The following LRP6 variants were observed in gnomAD, a reference collection of about 807,000 sequenced individuals.
LRP6 encodes the protein low-density lipoprotein receptor-related protein 6.
LRP6 carries 43 observed loss-of-function variants against 184.1 expected under a neutral mutation model. The ratio of observed to expected loss-of-function variants is 0.23; its 90% CI spans 0.18 to 0.30. LRP6 has a LOEUF of 0.30. Among genes scored for constraint, LRP6 ranks in the 10% least tolerant of loss-of-function variants. The pLI is 1.00. For synonymous variants in LRP6, 719 were observed against 684.9 expected (o/e 1.05, Z -0.78); for missense variants, 1,571 against 2,005.3 (o/e 0.78, Z 4.14).
chr12:12,175,410 C>T (rs1010677070), intron 7 of LRP6, among the ~76,000 whole-genome samples: 1 of 145,624 alleles, frequency 6.9e-6, no homozygotes, highest in African/African-American at 2.6e-5. Context: ...ATAAAAAAGG[C>T]CGGGCACAGT....
intron 7 of LRP6, among the ~76,000 whole-genome samples, chr12:12,175,420 T>C (rs969047677): frequency 6.8e-6 from 1 of 147,576 alleles, no homozygotes; most frequent in African/African-American, 2.5e-5. Flanking sequence ...CCGGGCACAG[T>C]AGCTCATGCC....
chr12:12,231,789 C>T (rs1199891207), intron 2 of LRP6, among the ~76,000 whole-genome samples: 2 of 151,550 alleles, frequency 1.3e-5, no homozygotes, highest in African/African-American at 4.9e-5. Flanking sequence ...CTGAGATGGG[C>T]AGATCACTTG....
chr12:12,207,943 A>G (rs984931294), intron 2 of LRP6, among the ~76,000 whole-genome samples: 18 of 152,348 alleles, frequency 1.2e-4, no homozygotes, highest in Admixed American at 3.9e-4. Context: ...AAAGCCAGGC[A>G]TAAGAAATAT....
At chr12:12,244,809 A>C (rs1465297731) in intron 1 of LRP6, among the ~76,000 whole-genome samples, 154 bp from the exon 2 acceptor site, 1 of 152,232 alleles carries the variant, frequency 6.6e-6, no homozygotes, top group African/African-American at 2.4e-5. Context: ...TTCACACACA[A>C]AATATTATTT....
intron 3 of LRP6, among the ~76,000 whole-genome samples, chr12:12,199,230 G>A (rs1273321242): frequency 6.6e-6 from 1 of 152,010 alleles, no homozygotes; most frequent in African/African-American, 2.4e-5. Flanking sequence ...CATATAGCAT[G>A]AACACATATT....
rs1210116016 is a variant in LRP6, at chr12:12,148,820, G to A, written c.3206+122C>T. 3 of 794,528 alleles carry A rather than the reference G, an allele frequency of 3.8e-6. No homozygotes were observed. The African/African-American group carries it at 5.1e-5, about 13-fold the overall frequency. 49.2% of individuals were successfully genotyped at this position (794,528 alleles called of 1,614,324 possible). Reference sequence around the variant, plus strand: ...AAGATAATGCAGAAACAAACTGATAGAGAATATTGAATTGTTTGCTGGAGC... The same window carrying A: ...AAGATAATGCAGAAACAAACTGATAAAGAATATTGAATTGTTTGCTGGAGC... On this transcript the variant is annotated intron_variant, in intron 14 of 22. Coordinates refer to ENST00000261349, the MANE Select transcript of LRP6 (RefSeq NM_002336.3).
intron 2 of LRP6, among the ~76,000 whole-genome samples, chr12:12,226,057 G>A (rs762039969): frequency 3.9e-5 from 6 of 152,128 alleles, no homozygotes; most frequent in Non-Finnish European, 7.4e-5. Context: ...CACAGAAGAA[G>A]AGAAATACTT....
intron 12 of LRP6, among the ~76,000 whole-genome samples, chr12:12,156,614 G>A (rs1176547513): frequency 1.3e-5 from 2 of 152,146 alleles, no homozygotes; most frequent in Non-Finnish European, 1.5e-5. Flanking sequence ...ACTGCATTCT[G>A]CATTTCACCA....
At chr12:12,266,040 G>A (rs114830244) in intron 1 of LRP6, among the ~76,000 whole-genome samples, 1,758 of 152,220 alleles carry the variant, frequency 0.012, 29 homozygotes, top group African/African-American at 0.04. Context: ...AATACCAGAG[G>A]TTACAAGGGC....
At chr12:12,136,193 AAAC>A (rs1345604219) in intron 16 of LRP6, among the ~76,000 whole-genome samples, 2 of 152,012 alleles carry the variant, frequency 1.3e-5, no homozygotes, top group South Asian at 2.1e-4. Context: ...TCTCTACAAA[AAAC>A]AACAACAAAA....
At chr12:12,125,126 G>C (rs1591860560) in intron 21 of LRP6, among the ~76,000 whole-genome samples, 170 bp downstream of exon 21, 1 of 152,156 alleles carries the variant, frequency 6.6e-6, no homozygotes, top group African/African-American at 2.4e-5. Flanking sequence ...TAACTTAAAA[G>C]ATTTATAAGC....
chr12:12,214,922 G>A (rs1445707204), intron 2 of LRP6, among the ~76,000 whole-genome samples: 5 of 152,176 alleles, frequency 3.3e-5, no homozygotes, highest in African/African-American at 9.7e-5. Context: ...CAGACAATAA[G>A]ATGCTAGACA....
At chr12:12,127,833 G>A (rs961930853) in intron 19 of LRP6, among the ~76,000 whole-genome samples, 7 of 152,066 alleles carry the variant, frequency 4.6e-5, no homozygotes, top group African/African-American at 1.7e-4. Context: ...CATCCATATA[G>A]CTAAACTCAT....
chr12:12,240,369 C>T (rs981230239), intron 2 of LRP6, among the ~76,000 whole-genome samples: 2 of 152,012 alleles, frequency 1.3e-5, no homozygotes, highest in Non-Finnish European at 2.9e-5. Flanking sequence ...GTCAGGAGAT[C>T]GAGACCATCC....
intron 11 of LRP6, 42 bp downstream of exon 11, chr12:12,159,738 T>C (rs770612748): frequency 1.9e-6 from 3 of 1,585,734 alleles, no homozygotes; most frequent in Non-Finnish European, 2.6e-6. Flanking sequence ...GATATTTGCA[T>C]GGAAAGAATA....
intron 3 of LRP6, among the ~76,000 whole-genome samples, chr12:12,201,991 G>GA (rs1486511348): frequency 6.6e-6 from 1 of 151,970 alleles, no homozygotes; most frequent in African/African-American, 2.4e-5. Context: ...ATTATACTTT[G>GA]AAAAAATCCT....
intron 3 of LRP6, among the ~76,000 whole-genome samples, chr12:12,191,817 A>G (rs1316545524): frequency 6.6e-6 from 1 of 152,070 alleles, no homozygotes; most frequent in South Asian, 2.1e-4. Flanking sequence ...ATGAATAAAC[A>G]TAATACATAA....
In LRP6 at chr12:12,117,526, C is replaced by T. The variant is rs1949534759; in HGVS notation, c.*3600G>A. 1 of 152,232 alleles carries T rather than the reference C, an allele frequency of 6.6e-6. No individual in the cohort carries two copies. The highest frequency in any genetic ancestry group is 2.4e-5 in the African/African-American group (1 of 41,460). The allele number at this position is 152,232 out of a possible 1,614,324, so 9.4% of individuals were successfully genotyped here. ...AAATGAATGAAGTGGGACAAAGCTTCCCCTACAAGAAATAAAACAATTCAA... is the reference window on the plus strand; with the variant it reads ...AAATGAATGAAGTGGGACAAAGCTTTCCCTACAAGAAATAAAACAATTCAA... On this transcript the variant is annotated 3_prime_UTR_variant, in exon 23 of 23. Transcript: ENST00000261349.
chr12:12,164,937 AAAAAAAAAAAAAAAAAAAG>A lies in LRP6; in HGVS notation c.1762+123_1762+141del. The A allele has an allele frequency of 2.2e-5, 8 of 367,708 alleles. 1 individual carries two copies. Among genetic ancestry groups the A allele is most frequent in the Admixed American group, 5.4e-5 (1 of 18,614 alleles). 22.8% of individuals were successfully genotyped at this position (367,708 alleles called of 1,614,324 possible). A position where few individuals can be genotyped will look rare whatever the true frequency, so the allele number is the denominator to read the frequency against. ...TTCTCAGTAAAAAAAAAAAAAAAAA[AAAAAAAAAAAAAAAAAAAG>A]GCGGGGGGGCAGTAAAGAAGGTTTC... is the stretch of plus-strand genomic sequence containing the variant. On this transcript the variant is annotated intron_variant, in intron 8 of 22. Transcript: ENST00000261349.
Sources: allele counts gnomAD v4.1 joint callset (sites outside exome capture counted in the v4.1 genomes callset), GRCh38; gene constraint gnomAD v4.1.1; transcripts MANE v1.5; gene names NCBI Gene and HGNC (gene_info 2026-07-23, HGNC 2026-07-21).